Variants in FAM53A observed in about 807,000 individuals in gnomAD.
FAM53A encodes family with sequence similarity 53 member A, also known as protein FAM53A.
In FAM53A, 28 loss-of-function variants were observed where a neutral mutation model predicts 26.6. That is an observed-to-expected ratio of 1.05 (90% CI 0.78 to 1.45). FAM53A has a LOEUF of 1.45. FAM53A is among the 40% of genes most tolerant of loss of function. The pLI is 0.00. For synonymous variants in FAM53A, 290 were observed against 253.1 expected, an observed-to-expected ratio of 1.15 and a Z score of -1.38; for missense variants, 650 against 575.8, an observed-to-expected ratio of 1.13 and a Z score of -1.32.
chr4:1,629,256 C>A (rs1715501892), intron 1 of FAM53A, among the ~76,000 whole-genome samples: 1 of 152,144 alleles, frequency 6.6e-6, no homozygotes, highest in South Asian at 2.1e-4. Context: ...GACTCCAGGG[C>A]CCACAGAGGG....
rs112794403 is a variant in FAM53A at position 1,640,954 on chromosome 4, C to A, written c.*339G>T. The A allele has an allele frequency of 9.4e-6, 4 of 426,768 alleles. No homozygotes were observed. Among genetic ancestry groups the A allele is most frequent in the Non-Finnish European group, 1.3e-5 (3 of 230,638 alleles). 26.4% of individuals were successfully genotyped at this position (426,768 alleles called of 1,614,324 possible). A position where few individuals can be genotyped will look rare whatever the true frequency, so the allele number is the denominator to read the frequency against. ...AGTCTGTGCCCCAGGGCAGTGCAGG[C>A]GGCAGCCGTGGCCCCGACCAGCTCA... On this transcript the variant is annotated 3_prime_UTR_variant, in exon 5 of 5. Transcript: ENST00000308132.
At chr4:1,574,628 C>G in the FAM53A span, 2 of 152,522 alleles carry the variant, frequency 1.3e-5, no homozygotes, top group African/African-American at 4.8e-5. Context: ...TGGCCCTCAG[C>G]CAAGGGATCA....
At chr4:1,667,419 C>T (rs562271242) in intron 2 of FAM53A, among the ~76,000 whole-genome samples, 16 of 152,318 alleles carry the variant, frequency 1.1e-4, no homozygotes, top group East Asian at 1.9e-4. Flanking sequence ...CACCTCCACC[C>T]GTGGACTGAC....
chr4:1,575,935 G>A, the FAM53A span, among the ~76,000 whole-genome samples: 2 of 152,154 alleles, frequency 1.3e-5, no homozygotes, highest in African/African-American at 2.4e-5. Flanking sequence ...CAAGCCACCC[G>A]GGGTGAAGTG....
the FAM53A span, among the ~76,000 whole-genome samples, chr4:1,608,178 C>T: frequency 1.4e-5 from 2 of 141,788 alleles, no homozygotes; most frequent in African/African-American, 5.4e-5. Context: ...CCCAGCTCAG[C>T]CACTGATGGT....
the FAM53A span, among the ~76,000 whole-genome samples, chr4:1,591,453 T>C: frequency 1.3e-5 from 2 of 152,192 alleles, no homozygotes; most frequent in East Asian, 3.9e-4. Context: ...CGCATGCACA[T>C]GTACCCCATG....
At chr4:1,635,686 G>A (rs958553670), downstream of FAM53A, among the ~76,000 whole-genome samples, 2 of 152,068 alleles carry the variant, frequency 1.3e-5, no homozygotes, top group Admixed American at 6.6e-5. Context: ...CACTGCCAAC[G>A]GTTCTAAGTC....
At chr4:1,648,287 T>G (rs1712422947) in intron 4 of FAM53A, among the ~76,000 whole-genome samples, 2 of 152,150 alleles carry the variant, frequency 1.3e-5, no homozygotes, top group Non-Finnish European at 2.9e-5. Context: ...TGCCACATAT[T>G]CAGGTGATGC....
chr4:1,647,194 G>C (rs1222877855), intron 4 of FAM53A, among the ~76,000 whole-genome samples: 3 of 152,072 alleles, frequency 2.0e-5, no homozygotes, highest in Admixed American at 2.0e-4. Flanking sequence ...AAATTAGCCA[G>C]GCATGGTGGC....
intron 1 of FAM53A, among the ~76,000 whole-genome samples, chr4:1,674,969 G>C (rs1714942016): frequency 6.6e-6 from 1 of 152,202 alleles, no homozygotes; most frequent in Non-Finnish European, 1.5e-5. Flanking sequence ...GCCGGAGCTG[G>C]GAAAGCCCAG....
At chr4:1,607,442 G>A in the FAM53A span, among the ~76,000 whole-genome samples, 3 of 151,876 alleles carry the variant, frequency 2.0e-5, no homozygotes, top group Middle Eastern at 3.2e-3. Flanking sequence ...ATGGGACCTC[G>A]TGCCATTCAC....
the FAM53A span, among the ~76,000 whole-genome samples, chr4:1,611,156 A>C: frequency 1.3e-5 from 2 of 152,174 alleles, no homozygotes; most frequent in South Asian, 4.1e-4. Flanking sequence ...GGCTCACAGG[A>C]AGCAGGGGCG....
chr4:1,684,607 T>C (rs962606741), upstream of FAM53A, among the ~76,000 whole-genome samples: 5 of 151,276 alleles, frequency 3.3e-5, no homozygotes, highest in Non-Finnish European at 5.9e-5. Flanking sequence ...AGGCAAGACC[T>C]GTGGCGGCGG....
chr4:1,645,393 A>C (rs1401712754), intron 4 of FAM53A, among the ~76,000 whole-genome samples: 1 of 152,248 alleles, frequency 6.6e-6, no homozygotes, highest in Non-Finnish European at 1.5e-5. Flanking sequence ...GGTTATTAGG[A>C]AAGTACGGAC....
At chr4:1,608,295 T>A in the FAM53A span, among the ~76,000 whole-genome samples, 2 of 151,706 alleles carry the variant, frequency 1.3e-5, no homozygotes, top group Non-Finnish European at 2.9e-5. Context: ...AGGCGGCCCC[T>A]CCTGAACCTC....
chr4:1,667,788 C>A (rs1714342074), intron 2 of FAM53A, among the ~76,000 whole-genome samples: 1 of 152,196 alleles, frequency 6.6e-6, no homozygotes, highest in Admixed American at 6.5e-5. Context: ...GCAGGCGCTC[C>A]AAGCACCCCT....
chr4:1,610,244 C>A, the FAM53A span, among the ~76,000 whole-genome samples: 1 of 151,994 alleles, frequency 6.6e-6, no homozygotes, highest in Non-Finnish European at 1.5e-5. Context: ...CAACGCGCTG[C>A]CCCCACACCA....
At chr4:1,594,435 A>AGG in the FAM53A span, among the ~76,000 whole-genome samples, 1 of 152,162 alleles carries the variant, frequency 6.6e-6, no homozygotes, top group South Asian at 2.1e-4. Flanking sequence ...CCCCCGGGGT[A>AGG]TACAAGCAGG....
the FAM53A span, among the ~76,000 whole-genome samples, chr4:1,607,599 C>G: frequency 6.6e-6 from 1 of 152,084 alleles, no homozygotes; most frequent in Non-Finnish European, 1.5e-5. Flanking sequence ...ACTGATGTCC[C>G]CTAATCCACA....
Sources: gnomAD v4.1 joint callset for allele counts (sites outside exome capture counted in the v4.1 genomes callset) on GRCh38, gnomAD v4.1.1 for gene constraint, MANE v1.5 for transcripts, NCBI Gene and HGNC (gene_info 2026-07-23, HGNC 2026-07-21) for gene names.